RNF180: variants seen among roughly 807,000 people sequenced by gnomAD.
The protein encoded by RNF180 is ring finger protein 180.
Under a neutral mutation model 59.2 loss-of-function variants are expected in RNF180, and 38 were observed. The ratio of observed to expected loss-of-function variants is 0.64; its 90% CI spans 0.50 to 0.84. RNF180 has a LOEUF of 0.84. Among genes scored for constraint, RNF180 ranks in the 40% least tolerant of loss-of-function variants. RNF180 has a pLI of 0.00. For synonymous variants in RNF180, 262 were observed against 240.3 expected (o/e 1.09, Z -0.84); for missense variants, 705 against 700.9 (o/e 1.01, Z -0.07).
At chr5:64,218,689 C>G (rs77465109) in intron 5 of RNF180, among the ~76,000 whole-genome samples, 4 of 152,242 alleles carry the variant, frequency 2.6e-5, no homozygotes, top group African/African-American at 9.6e-5. Flanking sequence ...TGTTGACTCT[C>G]GTAATACGTG....
At chr5:64,237,189 G>C (rs1472671808) in intron 5 of RNF180, among the ~76,000 whole-genome samples, 2 of 152,192 alleles carry the variant, frequency 1.3e-5, no homozygotes, top group African/African-American at 4.8e-5. Context: ...ACAGACACAG[G>C]GGCTGTACCC....
chr5:64,240,401 A>G (rs1185260845), intron 5 of RNF180, among the ~76,000 whole-genome samples: 1 of 152,216 alleles, frequency 6.6e-6, no homozygotes, highest in Admixed American at 6.5e-5. Flanking sequence ...TGAGGAGGAC[A>G]TAATATATTT....
rs1056835281 is a variant in RNF180, at chr5:64,186,151, A to T, written c.1-14657A>T. 7.2e-5 allele frequency among the ~76,000 whole-genome samples: 11 copies of T among 152,132 alleles called. No individual in the cohort carries two copies. The East Asian group carries it at 1.7e-3, about 24-fold the overall frequency. ...ATCAAACAAAATGTCTCTGTATGTG[A>T]CAATTCCTCTTGCCCTGAAGTAAAA... On this transcript the variant is annotated intron_variant, in intron 1 of 7. Coordinates refer to ENST00000389100, the MANE Select transcript of RNF180 (RefSeq NM_001113561.2).
At chr5:64,308,579 G>A (rs1743595396) in intron 5 of RNF180, among the ~76,000 whole-genome samples, 1 of 151,716 alleles carries the variant, frequency 6.6e-6, no homozygotes, top group African/African-American at 2.4e-5. Flanking sequence ...CAGTGTTTCT[G>A]AGGAGTAAGT....
chr5:64,263,933 A>G (rs995099023), intron 5 of RNF180, among the ~76,000 whole-genome samples: 5 of 152,170 alleles, frequency 3.3e-5, no homozygotes, highest in African/African-American at 9.7e-5. Context: ...TTGTGTTACT[A>G]AGATTCACCT....
intron 7 of RNF180, among the ~76,000 whole-genome samples, chr5:64,364,610 C>G (rs1746378736): frequency 6.6e-6 from 1 of 151,734 alleles, no homozygotes; most frequent in Non-Finnish European, 1.5e-5. Flanking sequence ...GGGAAGGAGT[C>G]TCTCCTCAAT....
chr5:64,294,361 C>T (rs547061617), intron 5 of RNF180, among the ~76,000 whole-genome samples: 51 of 152,252 alleles, frequency 3.3e-4, no homozygotes, highest in Non-Finnish European at 5.6e-4. Flanking sequence ...TAAATATATA[C>T]ACCTGCTATA....
chr5:64,176,064 A>G (rs772739381), intron 1 of RNF180, among the ~76,000 whole-genome samples: 35 of 152,160 alleles, frequency 2.3e-4, no homozygotes, highest in Non-Finnish European at 4.4e-4. Context: ...TAGTCTTGAA[A>G]TGTTTGATAG....
At chr5:64,349,840 C>T (rs563141119) in intron 7 of RNF180, among the ~76,000 whole-genome samples, 5 of 152,174 alleles carry the variant, frequency 3.3e-5, no homozygotes, top group East Asian at 3.9e-4. Context: ...TCTATCATTG[C>T]TAGACATTAG....
At chr5:64,252,317 G>C (rs532250698) in intron 5 of RNF180, among the ~76,000 whole-genome samples, 1 of 152,090 alleles carries the variant, frequency 6.6e-6, no homozygotes, top group Non-Finnish European at 1.5e-5. Context: ...GGAGATATTG[G>C]TCAAAGGATA....
intron 1 of RNF180, among the ~76,000 whole-genome samples, chr5:64,198,432 G>C (rs1427991114): frequency 1.3e-5 from 2 of 152,182 alleles, no homozygotes; most frequent in African/African-American, 4.8e-5. Flanking sequence ...TAGATCTATA[G>C]ATGTAAAAAT....
chr5:64,290,408 T>G (rs1270226624), intron 5 of RNF180, among the ~76,000 whole-genome samples: 6 of 152,236 alleles, frequency 3.9e-5, no homozygotes, highest in Admixed American at 3.9e-4. Context: ...GATCCAGAGC[T>G]GAGTTTAGGT....
chr5:64,195,550 T>C (rs1751413625), intron 1 of RNF180, among the ~76,000 whole-genome samples: 1 of 152,220 alleles, frequency 6.6e-6, no homozygotes, highest in East Asian at 1.9e-4. Context: ...ACTGCAACTT[T>C]AATCAGAATT....
intron 5 of RNF180, among the ~76,000 whole-genome samples, chr5:64,258,075 T>C (rs1744091364): frequency 6.6e-6 from 1 of 151,906 alleles, no homozygotes; most frequent in African/African-American, 2.4e-5. Context: ...TTCATGAGAG[T>C]CCTTACATGA....
chr5:64,359,016 T>G (rs1348740625), intron 7 of RNF180, among the ~76,000 whole-genome samples: 1 of 150,614 alleles, frequency 6.6e-6, no homozygotes, highest in African/African-American at 2.4e-5. Flanking sequence ...TGCCACATTT[T>G]CTTAATCCAG....
chr5:64,225,048 C>T (rs1161802469), intron 5 of RNF180, among the ~76,000 whole-genome samples: 1 of 152,162 alleles, frequency 6.6e-6, no homozygotes, highest in South Asian at 2.1e-4. Context: ...CATTCTGTTA[C>T]TAGCAACCCA....
In RNF180 at chr5:64,288,554, G is replaced by A. The variant is rs114854757; in HGVS notation, c.1228-36632G>A. On this transcript the variant is annotated intron_variant, in intron 5 of 7. Transcript: ENST00000389100. ...ATGAAATGTTTTTCCTTTAGTTTGT[G>A]TCCTCTTATTTCATTGAGCAGTGGT... Among the ~76,000 whole-genome samples, 490 of 152,234 alleles carry A rather than the reference G, an allele frequency of 3.2e-3. 1 individual carries two copies. The highest frequency in any genetic ancestry group is 0.012 in the African/African-American group (482 of 41,538).
At chr5:64,292,197 G>A (rs1480906804) in intron 5 of RNF180, among the ~76,000 whole-genome samples, 3 of 152,192 alleles carry the variant, frequency 2.0e-5, no homozygotes, top group Non-Finnish European at 4.4e-5. Flanking sequence ...GTCATTTGGA[G>A]TAGAAAAGGC....
At chr5:64,225,445 G>A (rs191477123) in intron 5 of RNF180, among the ~76,000 whole-genome samples, 36 of 140,902 alleles carry the variant, frequency 2.6e-4, no homozygotes, top group East Asian at 1.8e-3. Context: ...CTGCCCAGCC[G>A]GCCATCGTCT....
Sources: gnomAD v4.1 joint callset for allele counts (sites outside exome capture counted in the v4.1 genomes callset) on GRCh38, gnomAD v4.1.1 for gene constraint, MANE v1.5 for transcripts, NCBI Gene and HGNC (gene_info 2026-07-23, HGNC 2026-07-21) for gene names.